Variants in CCSER1 observed in about 807,000 individuals in gnomAD.
CCSER1 encodes the protein coiled-coil serine rich protein 1, also known as serine-rich coiled-coil domain-containing protein 1.
CCSER1 carries 41 observed loss-of-function variants against 82.0 expected under a neutral mutation model. The ratio of observed to expected loss-of-function variants is 0.50; its 90% CI spans 0.39 to 0.65. The LOEUF (loss-of-function observed/expected upper bound fraction) is 0.65, where lower values mean the gene tolerates loss of function less well. CCSER1 is among the 30% of genes least tolerant of loss of function. The pLI is 0.00. For synonymous variants in CCSER1, 414 were observed against 383.9 expected, an observed-to-expected ratio of 1.08 and a Z score of -0.92; for missense variants, 1,119 against 1,064.2, an observed-to-expected ratio of 1.05 and a Z score of -0.72.
Position 91,599,216 on chromosome 4 carries a change from G to T in CCSER1, c.*159G>T. ...TCTTAGTCATAAACAAAGACTTGTG[G>T]GTTTTTTTTTTCCAAGAGTGAAAGT... On this transcript the variant is annotated 3_prime_UTR_variant, in exon 11 of 11. Transcript: ENST00000509176. 3.2e-6 allele frequency: 3 copies of T among 941,002 alleles called. No individual in the cohort carries two copies. Among genetic ancestry groups the T allele is most frequent in the South Asian group, 2.5e-5 (1 of 39,898 alleles). The allele number at this position is 941,002 out of a possible 1,614,324, so 58.3% of individuals were successfully genotyped here. A position where few individuals can be genotyped will look rare whatever the true frequency, so the allele number is the denominator to read the frequency against.
intron 1 of CCSER1, among the ~76,000 whole-genome samples, chr4:90,254,879 T>G (rs564054160): frequency 6.6e-6 from 1 of 152,274 alleles, no homozygotes; most frequent in Non-Finnish European, 1.5e-5. Context: ...CCTGTTATGG[T>G]TGTTCCTCCT....
intron 4 of CCSER1, among the ~76,000 whole-genome samples, chr4:90,408,422 C>T (rs543382767): frequency 8.5e-5 from 13 of 152,308 alleles, no homozygotes; most frequent in African/African-American, 2.6e-4. Context: ...CCGGATACTC[C>T]TCTGAGACAA....
At chr4:91,177,257 C>G (rs1207993566) in intron 10 of CCSER1, among the ~76,000 whole-genome samples, 1 of 152,182 alleles carries the variant, frequency 6.6e-6, no homozygotes, top group Non-Finnish European at 1.5e-5. Context: ...TGATGTTCAT[C>G]AGGGATATTG....
In CCSER1 at chr4:91,312,803, T is replaced by C. The variant is rs368687675; in HGVS notation, c.2217+226809T>C. ...GTCTTACCACTGTGCAATCTATGCA[T>C]GTAAAAAAATTGCACTTGTACCCTA... On this transcript the variant is annotated intron_variant, in intron 10 of 10. Transcript: ENST00000509176. Among the ~76,000 whole-genome samples the C allele has an allele frequency of 2.0e-5, 3 of 151,982 alleles. No individual in the cohort carries two copies. The East Asian group carries it at 5.8e-4, about 29-fold the overall frequency.
intron 9 of CCSER1, among the ~76,000 whole-genome samples, chr4:91,003,080 C>T (rs1230934951): frequency 6.6e-6 from 1 of 152,164 alleles, no homozygotes; most frequent in African/African-American, 2.4e-5. Flanking sequence ...GTTGTCTGCA[C>T]AGAGTCCTGT....
intron 1 of CCSER1, among the ~76,000 whole-genome samples, chr4:90,180,530 A>G (rs1167027357): frequency 6.6e-6 from 1 of 152,042 alleles, no homozygotes; most frequent in Non-Finnish European, 1.5e-5. Context: ...CAGAGGTTGT[A>G]GTGAGCTAAG....
At chr4:91,328,933 G>A (rs761348472) in intron 10 of CCSER1, among the ~76,000 whole-genome samples, 15 of 152,074 alleles carry the variant, frequency 9.9e-5, no homozygotes, top group Non-Finnish European at 1.8e-4. Flanking sequence ...ATTTATAAGT[G>A]GGAGTTCCCC....
chr4:90,225,903 G>C (rs114108281), intron 1 of CCSER1, among the ~76,000 whole-genome samples: 48 of 152,244 alleles, frequency 3.2e-4, no homozygotes, highest in African/African-American at 1.1e-3. Context: ...TTGAACCCAG[G>C]AGATAAACTT....
At chr4:91,225,515 G>A (rs528293315) in intron 10 of CCSER1, among the ~76,000 whole-genome samples, 3 of 149,628 alleles carry the variant, frequency 2.0e-5, no homozygotes, top group African/African-American at 7.3e-5. Flanking sequence ...GGAATAAAAG[G>A]ACAGGTAATA....
intron 5 of CCSER1, among the ~76,000 whole-genome samples, chr4:90,481,835 T>C (rs1372072568): frequency 6.6e-6 from 1 of 152,226 alleles, no homozygotes; most frequent in East Asian, 1.9e-4. Flanking sequence ...AATTCTCTTT[T>C]TTTTGTTGCA....
At chr4:91,103,346 A>G (rs868086506) in intron 10 of CCSER1, among the ~76,000 whole-genome samples, 2 of 152,144 alleles carry the variant, frequency 1.3e-5, no homozygotes, top group Non-Finnish European at 2.9e-5. Flanking sequence ...GGGGCCCCTC[A>G]GTTCCTTCCC....
intron 10 of CCSER1, among the ~76,000 whole-genome samples, chr4:91,215,552 G>A (rs1347411272): frequency 6.6e-6 from 1 of 152,126 alleles, no homozygotes; most frequent in Non-Finnish European, 1.5e-5. Context: ...ACCAGCACAG[G>A]AGAGAGATGG....
chr4:91,307,260 CAAT>C (rs1560579780), intron 10 of CCSER1, among the ~76,000 whole-genome samples: 1 of 151,478 alleles, frequency 6.6e-6, no homozygotes, highest in Admixed American at 6.6e-5. Context: ...AGTTATGAAA[CAAT>C]AAAAAAAAGG....
chr4:90,781,533 C>CT (rs1045698311), intron 7 of CCSER1: 55 of 982,104 alleles, frequency 5.6e-5, no homozygotes, highest in African/African-American at 2.8e-4. Flanking sequence ...ACTTGAAACA[C>CT]TTTTTTTTGA....
rs564862808 is a variant in CCSER1, at chr4:90,443,892, A to G, written c.1604-24342A>G. Among the ~76,000 whole-genome samples, 301 of 152,196 alleles carry G rather than the reference A, an allele frequency of 2.0e-3. 4 individuals are homozygous for G. Among genetic ancestry groups the G allele is most frequent in the East Asian group, 9.6e-4 (5 of 5,184 alleles). ...ACGCATATACATATAGTTTATATAA[A>G]CATAGAATACAGTAATACAGACACA... On this transcript the variant is annotated intron_variant, in intron 4 of 10. Coordinates refer to ENST00000509176, the MANE Select transcript of CCSER1 (RefSeq NM_001145065.2).
At chr4:90,285,717 T>C (rs1346855535) in intron 1 of CCSER1, among the ~76,000 whole-genome samples, 2 of 152,088 alleles carry the variant, frequency 1.3e-5, no homozygotes, top group African/African-American at 4.8e-5. Context: ...TTGTCTTTTC[T>C]ATATTATAGA....
chr4:91,353,134 G>C (rs1388052913), intron 10 of CCSER1, among the ~76,000 whole-genome samples: 37 of 152,302 alleles, frequency 2.4e-4, no homozygotes, highest in Non-Finnish European at 1.5e-5. Context: ...AGGATAAGCT[G>C]CAGACAAAAC....
intron 7 of CCSER1, among the ~76,000 whole-genome samples, chr4:90,812,073 C>T (rs1186788305): frequency 2.6e-5 from 4 of 151,400 alleles, no homozygotes; most frequent in Non-Finnish European, 5.9e-5. Flanking sequence ...GGCTGAGAAG[C>T]AAGGAGAGCC....
intron 3 of CCSER1, among the ~76,000 whole-genome samples, chr4:90,378,646 A>C (rs1748734714): frequency 6.6e-6 from 1 of 152,228 alleles, no homozygotes; most frequent in Admixed American, 6.5e-5. Context: ...TATGTCAAAT[A>C]TGCCTAAGAC....
Sources: allele counts gnomAD v4.1 joint callset (sites outside exome capture counted in the v4.1 genomes callset), GRCh38; gene constraint gnomAD v4.1.1; transcripts MANE v1.5; gene names NCBI Gene and HGNC (gene_info 2026-07-23, HGNC 2026-07-21).